The following SLC22A4 variants were observed in gnomAD, a reference collection of about 807,000 sequenced individuals.
The protein encoded by SLC22A4 is ET transporter.
SLC22A4 carries 39 observed loss-of-function variants against 56.6 expected under a neutral mutation model. The observed-to-expected ratio is 0.69, with a 90% CI of 0.53 to 0.90. The LOEUF is 0.90. Among genes scored for constraint, SLC22A4 ranks in the 40% least tolerant of loss-of-function variants. The pLI is 0.00. For synonymous variants in SLC22A4, 241 were observed against 281.4 expected, an observed-to-expected ratio of 0.86 and a Z score of 1.44; for missense variants, 594 against 696.5, an observed-to-expected ratio of 0.85 and a Z score of 1.66.
At position 132,327,423 on chromosome 5, in the gene SLC22A4, T is replaced by C. The variant is rs1341520846; in HGVS notation, c.951+20T>C. 9 of 1,604,378 alleles carry C rather than the reference T, an allele frequency of 5.6e-6. No homozygotes were observed. The East Asian group carries it at 2.0e-4, about 36-fold the overall frequency. On this transcript the variant is annotated intron_variant, in intron 5 of 9. Transcript: ENST00000200652. ...GTGGAGGTAAGCATTTGCAGATGTT[T>C]CCTCTTGAGATCAGCTATGCATTCT...
intron 1 of SLC22A4, among the ~76,000 whole-genome samples, chr5:132,311,050 C>T (rs1440581375): frequency 6.6e-6 from 1 of 152,212 alleles, no homozygotes; most frequent in Non-Finnish European, 1.5e-5. Flanking sequence ...TTTATAAACA[C>T]CTCTGTCTGC....
intron 1 of SLC22A4, among the ~76,000 whole-genome samples, chr5:132,308,223 C>T (rs1342978765): frequency 4.6e-5 from 7 of 152,102 alleles, no homozygotes; most frequent in Non-Finnish European, 1.0e-4. Flanking sequence ...GGCTGCTGGC[C>T]TCATGCATGC....
In SLC22A4 at chr5:132,335,867, C is replaced by A. The variant is rs529910545; in HGVS notation, c.1311C>A (p.Ile437=). The A allele has an allele frequency of 1.7e-5, 28 of 1,613,966 alleles. No homozygotes were observed. Among genetic ancestry groups the A allele is most frequent in the Non-Finnish European group, 2.4e-5 (28 of 1,179,996 alleles). The change falls in exon 8 of 10, where the codon ATC becomes ATA. Residue 437 remains isoleucine, a synonymous_variant. Transcript: ENST00000200652. ...TGGTCATGCTGGGAAAATTTGGGAT[C>A]ACCTCTGCTTTCTCCATGCTGTATG... The part of the protein sequence containing the change: ...IGLVMLGKFG[I]TSAFSMLYVF...
rs147297796 is a variant in SLC22A4 at position 132,313,712 on chromosome 5, T to A, written c.596T>A (p.Leu199Ter). ...ATCAGCTGGGAGATGTTCACTGTGT[T>A]ATTTGTCATCGTGGGCATGGGCCAG... ...FSISWEMFTV[L>*]FVIVGMGQIS... The change falls in exon 3 of 10, where the codon TTA becomes TAA. Residue 199 changes from leucine to a stop codon, truncating the protein, a stop_gained. Coordinates refer to ENST00000200652, the MANE Select transcript of SLC22A4 (RefSeq NM_003059.3). LOFTEE classifies it high-confidence loss of function. 117 of 1,614,242 alleles carry A rather than the reference T, an allele frequency of 7.2e-5. No homozygotes were observed. The Middle Eastern group carries it at 9.9e-4, about 14-fold the overall frequency.
At position 132,327,280 on chromosome 5, in the gene SLC22A4, C is replaced by A. The variant is rs1750715225; in HGVS notation, c.828C>A (p.Phe276Leu). 6.3e-7 allele frequency: 1 copy of A among 1,576,444 alleles called. No homozygotes were observed. Residue 276 changes from phenylalanine to leucine, a missense_variant, in exon 5 of 10, where the codon TTC becomes TTA. Phe to Leu is a conservative substitution (Grantham distance 22). Transcript: ENST00000200652. ...PGVLCVPLWW[F>L]IPESPRWLIS... ...AAATATTAAAAATAAATTATAGGTT[C>A]ATTCCTGAATCTCCCCGATGGCTGA...
At chr5:132,328,402 C>T (rs887462227) in intron 5 of SLC22A4, among the ~76,000 whole-genome samples, 2 of 152,182 alleles carry the variant, frequency 1.3e-5, no homozygotes, top group Admixed American at 6.5e-5. Context: ...CCCACGGCTT[C>T]CCCAGTCCCT....
intron 5 of SLC22A4, among the ~76,000 whole-genome samples, chr5:132,328,918 TATATATATATATACACAC>T (rs151186231): frequency 0.08 from 3,226 of 40,126 alleles, 134 homozygotes; most frequent in African/African-American, 0.28. Context: ...TATATATATA[TATATATATATATACACAC>T]ACACACTTTA....
intron 4 of SLC22A4, 26 bp from the exon 5 acceptor site, chr5:132,327,247 AAATT>A: frequency 6.7e-7 from 1 of 1,491,986 alleles, no homozygotes; most frequent in Non-Finnish European, 9.1e-7. Flanking sequence ...CTGTTGTGAA[AAATT>A]ATTAAATATT....
At chr5:132,310,199 G>A (rs2126708555) in intron 1 of SLC22A4, among the ~76,000 whole-genome samples, 1 of 152,348 alleles carries the variant, frequency 6.6e-6, no homozygotes, top group East Asian at 1.9e-4. Context: ...TGAGGCCCAA[G>A]TAGGTATCTA....
At chr5:132,342,454 C>T (rs1348409493) in intron 9 of SLC22A4, among the ~76,000 whole-genome samples, 6 of 152,168 alleles carry the variant, frequency 3.9e-5, no homozygotes, top group Non-Finnish European at 7.3e-5. Context: ...TTCTTCTTGA[C>T]GCAAACCAAT....
At chr5:132,299,002 C>T (rs1442968290) in intron 1 of SLC22A4, among the ~76,000 whole-genome samples, 1 of 152,226 alleles carries the variant, frequency 6.6e-6, no homozygotes, top group African/African-American at 2.4e-5. Flanking sequence ...GTGTACAGGG[C>T]CAAGCCCAGG....
chr5:132,322,235 T>G lies in SLC22A4; in HGVS notation c.704T>G (p.Val235Gly). Residue 235 changes from valine to glycine, a missense_variant, in exon 4 of 10, where the codon GTG (valine) becomes GGG (glycine). By Grantham distance (109) the Val-to-Gly change is moderately radical. Transcript: ENST00000200652. Reference protein sequence around the residue: ...SVRIIFSTLGVCTFFAVGYML... With the variant: ...SVRIIFSTLGGCTFFAVGYML... ...CGTATTATATTCTCTACATTAGGAG[T>G]GTGCACATTTTTTGCAGTTGGCTAT... The G allele has an allele frequency of 6.2e-7, 1 of 1,613,856 alleles. No homozygotes were observed. The highest frequency in any genetic ancestry group is 2.2e-5 in the East Asian group (1 of 44,876).
chr5:132,298,522 T>C (rs960424247), intron 1 of SLC22A4, among the ~76,000 whole-genome samples: 3 of 152,332 alleles, frequency 2.0e-5, no homozygotes, highest in East Asian at 3.9e-4. Context: ...AAGATGAAAG[T>C]AGTGTTGGAG....
intron 9 of SLC22A4, 44 bp downstream of exon 9, chr5:132,340,744 A>C: frequency 6.3e-7 from 1 of 1,576,112 alleles, no homozygotes; most frequent in Non-Finnish European, 8.7e-7. Context: ...TGCCTTAGGG[A>C]GAATAAGCAT....
intron 1 of SLC22A4, among the ~76,000 whole-genome samples, chr5:132,301,939 C>T (rs1749916309): frequency 1.3e-5 from 2 of 152,244 alleles, no homozygotes; most frequent in South Asian, 4.1e-4. Flanking sequence ...GACCTGCCCT[C>T]TGGCAGATTC....
intron 4 of SLC22A4, among the ~76,000 whole-genome samples, chr5:132,326,001 A>C (rs1750678176): frequency 6.6e-6 from 1 of 152,220 alleles, no homozygotes; most frequent in African/African-American, 2.4e-5. Context: ...CTGACCTTTC[A>C]TCTACATGTA....
At chr5:132,299,060 G>A (rs1199526739) in intron 1 of SLC22A4, among the ~76,000 whole-genome samples, 1 of 152,232 alleles carries the variant, frequency 6.6e-6, no homozygotes, top group African/African-American at 2.4e-5. Context: ...CACAGGTAGT[G>A]GGACTGTCCT....
chr5:132,333,760 C>T (rs891821506), intron 6 of SLC22A4, among the ~76,000 whole-genome samples: 1 of 151,966 alleles, frequency 6.6e-6, no homozygotes, highest in Non-Finnish European at 1.5e-5. Context: ...AATGGGGGTA[C>T]TCAGTTACAT....
chr5:132,313,251 T>G (rs1045675550), intron 2 of SLC22A4, among the ~76,000 whole-genome samples: 7 of 152,214 alleles, frequency 4.6e-5, no homozygotes, highest in Non-Finnish European at 1.0e-4. Flanking sequence ...ATTTACAGAA[T>G]TTTCATGTTG....
Sources: allele counts gnomAD v4.1 joint callset (sites outside exome capture counted in the v4.1 genomes callset), GRCh38; gene constraint gnomAD v4.1.1; transcripts MANE v1.5; gene names NCBI Gene and HGNC (gene_info 2026-07-23, HGNC 2026-07-21).